The following POLE variants were observed in gnomAD, a reference collection of about 807,000 sequenced individuals.
POLE encodes the protein DNA polymerase epsilon catalytic subunit A.
In POLE, 188 loss-of-function variants were observed where a neutral mutation model predicts 279.2. That is an observed-to-expected ratio of 0.67 (90% CI 0.60 to 0.76). The LOEUF (loss-of-function observed/expected upper bound fraction) is 0.76. Ranked by LOEUF, POLE falls within the 30% of genes least tolerant of loss-of-function variation. The probability of loss-of-function intolerance (pLI) is 0.00; values close to 1 mark genes in which losing one functional copy is unlikely to be tolerated. For synonymous variants in POLE, 1,214 were observed against 1,172.5 expected, an observed-to-expected ratio of 1.04 and a Z score of -0.72; for missense variants, 2,703 against 3,016.7, an observed-to-expected ratio of 0.90 and a Z score of 2.44.
At chr12:132,654,645 A>G (rs2042494410) in intron 29 of POLE, among the ~76,000 whole-genome samples, 1 of 152,186 alleles carries the variant, frequency 6.6e-6, no homozygotes, top group Non-Finnish European at 1.5e-5. Context: ...TACAAAAATT[A>G]GCTGGATGTG....
At position 132,639,082 on chromosome 12, in the gene POLE, A is replaced by G. The variant is rs2042088884; in HGVS notation, c.5552+43T>C. 11 of 1,584,492 alleles carry G rather than the reference A, an allele frequency of 6.9e-6. No homozygotes were observed. The highest frequency in any genetic ancestry group is 9.5e-6 in the Non-Finnish European group (11 of 1,154,622). ...GTTCTGGGGAGTAAGGGACCAGCCC[A>G]GCTGAGGACGCGGTGGACAGCCCAG... On this transcript the variant is annotated intron_variant, in intron 40 of 48. Coordinates refer to ENST00000320574, the MANE Select transcript of POLE (RefSeq NM_006231.4). This position sits in a 1 kb window ranked among gnomAD's most constrained non-coding sequence, Gnocchi z 4.7.
In POLE at chr12:132,639,015, A is replaced by G; in HGVS notation, c.5552+110T>C. ...ATTGTTATGCTCCACAAACTCAGAA[A>G]TACACTACTTATCCCAGAGGCACTG... On this transcript the variant is annotated intron_variant, in intron 40 of 48. Transcript: ENST00000320574. This position sits in a 1 kb window ranked among gnomAD's most constrained non-coding sequence, Gnocchi z 4.7. 2 of 922,570 alleles carry G rather than the reference A, an allele frequency of 2.2e-6. No homozygotes were observed. The highest frequency in any genetic ancestry group is 3.4e-6 in the Non-Finnish European group (2 of 582,560). 57.1% of individuals were successfully genotyped at this position (922,570 alleles called of 1,614,324 possible).
chr12:132,679,844 G>A (rs750200520), intron 5 of POLE, 110 bp downstream of exon 5: 28 of 981,274 alleles, frequency 2.9e-5, no homozygotes, highest in Admixed American at 9.0e-5. Context: ...TCACCACACC[G>A]CCCCATCACC....
chr12:132,667,186 C>T (rs150235770), intron 20 of POLE, among the ~76,000 whole-genome samples: 1 of 152,156 alleles, frequency 6.6e-6, no homozygotes, highest in African/African-American at 2.4e-5. Flanking sequence ...AAGAGATAAA[C>T]AATAGGCGAA....
rs369961557 is a variant in POLE, at chr12:132,673,218, G to C, written c.1419C>G (p.Tyr473Ter). ...AVATYYLYMKYVHPFIFALCT... is the reference protein window; with the variant it reads ...AVATYYLYMK The stretch of plus-strand genomic sequence containing the variant: ...ACAGAGCAAAGATGAATGGGTGGAC[G>C]TACTTCATGTACAGGTAGTAAGTGG... The change falls in exon 14 of 49, where the codon TAC (tyrosine) becomes TAG (stop). Residue 473 changes from tyrosine to a stop codon, truncating the protein, a stop_gained. Transcript: ENST00000320574. LOFTEE classifies it high-confidence loss of function. 9 of 1,613,646 alleles carry C rather than the reference G, an allele frequency of 5.6e-6. No homozygotes were observed. Among genetic ancestry groups the C allele is most frequent in the Non-Finnish European group, 7.6e-6 (9 of 1,179,508 alleles).
intron 29 of POLE, among the ~76,000 whole-genome samples, chr12:132,652,830 T>C (rs568665655): frequency 2.0e-5 from 3 of 152,172 alleles, no homozygotes; most frequent in South Asian, 2.1e-4. Flanking sequence ...GTGTGTCTCG[T>C]TACATAGTAA....
In POLE at chr12:132,643,507, A is replaced by G; in HGVS notation, c.4344T>C (p.Asn1448=). The change falls in exon 34 of 49, where the codon AAT becomes AAC. Residue 1448 remains asparagine (N), a synonymous_variant. Coordinates refer to ENST00000320574, the MANE Select transcript of POLE (RefSeq NM_006231.4). ...CTGAAAGGTGCCTCACCAGCTGTTT[A>G]TTGACCACACACACACAGCCCAGGT... The part of the protein sequence containing the change: ...LVHLGCVCVV[N]KQLVRHLSGW... 1 of 1,614,152 alleles carries G rather than the reference A, an allele frequency of 6.2e-7. No individual in the cohort carries two copies. The highest frequency in any genetic ancestry group is 8.5e-7 in the Non-Finnish European group (1 of 1,180,034).
rs1555223943 is a variant in POLE at position 132,649,386 on chromosome 12, C to T, written c.3925G>A (p.Asp1309Asn). The T allele has an allele frequency of 4.3e-6, 7 of 1,613,380 alleles. No homozygotes were observed. Among genetic ancestry groups the T allele is most frequent in the Non-Finnish European group, 5.9e-6 (7 of 1,180,040 alleles). ...CTCCCCAGCCCCGTGGCAGGACCAT[C>T]CCGGATGGCCCCGGGCCTGAGCACA... Reference protein sequence around the residue: ...EGVLRPGAIRDGPATGLGSFL... With the variant: ...EGVLRPGAIRNGPATGLGSFL... The change falls in exon 31 of 49, where the codon GAT becomes AAT. Residue 1309 changes from aspartate (D) to asparagine (N), a missense_variant. Transcript: ENST00000320574.
In POLE at chr12:132,657,879, C is replaced by CA; in HGVS notation, c.3366dup (p.Asp1123Ter). 6.2e-7 allele frequency: 1 copy of CA among 1,612,126 alleles called. No homozygotes were observed. Among genetic ancestry groups the CA allele is most frequent in the Non-Finnish European group, 8.5e-7 (1 of 1,178,182 alleles). ...CAACTGGCACTCACTGCTCGAATAT[C>CA]AAAGTCTTGAAGGGAAGAGCTCTTG... On this transcript the variant is annotated frameshift_variant, in exon 27 of 49. Transcript: ENST00000320574. LOFTEE classifies it high-confidence loss of function.
chr12:132,630,479 G>T (rs569089928), intron 45 of POLE, among the ~76,000 whole-genome samples: 1 of 152,310 alleles, frequency 6.6e-6, no homozygotes, highest in South Asian at 2.1e-4. Flanking sequence ...GCCAGGCGTG[G>T]TGGCTCACGC....
intron 33 of POLE, 45 bp downstream of exon 33, chr12:132,643,792 T>C (rs2138557202): frequency 6.3e-7 from 1 of 1,598,968 alleles, no homozygotes; most frequent in African/African-American, 1.3e-5. Flanking sequence ...CATACCACCC[T>C]GCTGGAGCCT....
At position 132,639,172 on chromosome 12, in the gene POLE, A is replaced by G. The variant is rs2138508970; in HGVS notation, c.5505T>C (p.Pro1835=). The part of the protein sequence containing the change: ...LRSPSSLLHD[P]ALHRTLHNMM... Reference sequence around the variant, plus strand: ...TGTTGTGGAGTGTGCGGTGCAGGGCAGGGTCATGAAGCAGAGAGGATGGCG... The same window carrying G: ...TGTTGTGGAGTGTGCGGTGCAGGGCGGGGTCATGAAGCAGAGAGGATGGCG... Residue 1835 remains proline, a synonymous_variant, in exon 40 of 49, where the codon CCT becomes CCC. Transcript: ENST00000320574. The surrounding 1 kb of genome is among the most constrained non-coding windows in gnomAD (Gnocchi z 4.7). 6.2e-7 allele frequency: 1 copy of G among 1,614,164 alleles called. No individual in the cohort carries two copies. The highest frequency in any genetic ancestry group is 8.5e-7 in the Non-Finnish European group (1 of 1,180,020).
At chr12:132,626,496 A>C (rs2041842673) in intron 45 of POLE, among the ~76,000 whole-genome samples, 179 bp from the exon 46 acceptor site, 1 of 152,238 alleles carries the variant, frequency 6.6e-6, no homozygotes, top group Non-Finnish European at 1.5e-5. Flanking sequence ...CGGTGAGGAC[A>C]GGCTTCCCTG....
chr12:132,661,659 T>C lies in POLE; in HGVS notation c.2732A>G (p.Gln911Arg), dbSNP rs1348033236. Reference protein sequence around the residue: ...VKEGFTNDQYQELAEPSSLTY... With the variant: ...VKEGFTNDQYRELAEPSSLTY... ...GAGTGAGGACGGCTCAGCCAGCTCC[T>C]GGTACTGGTCATTGGTGAAGCCTTC... The change falls in exon 24 of 49, where the codon CAG (glutamine) becomes CGG (arginine). Residue 911 changes from glutamine to arginine, a missense_variant. Coordinates refer to ENST00000320574, the MANE Select transcript of POLE (RefSeq NM_006231.4). This position sits in a 1 kb window ranked among gnomAD's most constrained non-coding sequence, Gnocchi z 4.1. The C allele has an allele frequency of 6.2e-7, 1 of 1,614,174 alleles. No homozygotes were observed. Among genetic ancestry groups the C allele is most frequent in the East Asian group, 2.2e-5 (1 of 44,878 alleles).
chr12:132,642,440 C>T, intron 37 of POLE, 43 bp from the exon 38 acceptor site: 2 of 1,596,876 alleles, frequency 1.3e-6, no homozygotes, highest in Non-Finnish European at 1.7e-6. Context: ...ATCGCCGGGT[C>T]ACAGAGACCA....
intron 45 of POLE, among the ~76,000 whole-genome samples, chr12:132,628,145 C>T (rs2041870706): frequency 6.6e-6 from 1 of 150,662 alleles, no homozygotes; most frequent in African/African-American, 2.5e-5. Flanking sequence ...AGATCGAGAC[C>T]ATCCTGGCTA....
At chr12:132,631,751 C>T (rs781048734) in intron 45 of POLE, among the ~76,000 whole-genome samples, 2 of 152,188 alleles carry the variant, frequency 1.3e-5, no homozygotes, top group African/African-American at 4.8e-5. Context: ...TACTGGTCTC[C>T]GGTGACCCAT....
In POLE at chr12:132,626,419, T is replaced by C. The variant is rs1038655955; in HGVS notation, c.6331-102A>G. On this transcript the variant is annotated intron_variant, in intron 45 of 48. Transcript: ENST00000320574. ...GACCTTAGGCTACAGTTTCCTGGTG[T>C]CCTTTCCTCCCTTCCTTAGTCCCTT... The C allele has an allele frequency of 1.1e-5, 12 of 1,090,150 alleles. No individual in the cohort carries two copies. The African/African-American group carries it at 1.2e-4, about 11-fold the overall frequency. The allele number at this position is 1,090,150 out of a possible 1,614,324, so 67.5% of individuals were successfully genotyped here. A position where few individuals can be genotyped will look rare whatever the true frequency, so the allele number is the denominator to read the frequency against.
rs2135969922 is a variant in POLE at position 132,667,555 on chromosome 12, T to C, written c.2267A>G (p.Asp756Gly). The C allele has an allele frequency of 6.2e-7, 1 of 1,613,774 alleles. No homozygotes were observed. Among genetic ancestry groups the C allele is most frequent in the South Asian group, 1.1e-5 (1 of 91,058 alleles). ...ICQRENSFYV[D>G]TVRAFRDRRY... Reference sequence around the variant, plus strand: ...CCTGTCCCGGAAGGCACGCACGGTGTCCACGTAGAAGGAGTTTTCCCGCTG... The same window carrying C: ...CCTGTCCCGGAAGGCACGCACGGTGCCCACGTAGAAGGAGTTTTCCCGCTG... Residue 756 changes from aspartate (D) to glycine (G), a missense_variant, in exon 20 of 49, where the codon GAC becomes GGC. Around this residue, in one of 5 missense-constraint regions of POLE, gnomAD observed 1,011 missense variants for 1,111.7 expected, o/e 0.91. Transcript: ENST00000320574.
Sources: allele counts gnomAD v4.1 joint callset (sites outside exome capture counted in the v4.1 genomes callset), GRCh38; gene constraint gnomAD v4.1.1; regional missense constraint gnomAD v4.1.1; non-coding constraint Gnocchi (gnomAD v3.1); transcripts MANE v1.5; gene names NCBI Gene and HGNC (gene_info 2026-07-23, HGNC 2026-07-21).